Variants in DNAAF9 observed in about 807,000 individuals in gnomAD.
DNAAF9 encodes the protein dynein axonemal assembly factor 9, also known as shulin.
DNAAF9 carries 90 observed loss-of-function variants against 167.0 expected under a neutral mutation model. The ratio of observed to expected loss-of-function variants is 0.54; its 90% CI spans 0.45 to 0.64. DNAAF9 has a LOEUF of 0.64. Among genes scored for constraint, DNAAF9 ranks in the 30% least tolerant of loss-of-function variants. DNAAF9 has a pLI of 0.00. For missense variants in DNAAF9, 1,315 were observed against 1,442.2 expected (o/e 0.91, Z 1.43); for synonymous variants, 491 against 508.8 (o/e 0.96, Z 0.47).
chr20:3,332,902 T>G (rs940621202), intron 10 of DNAAF9, among the ~76,000 whole-genome samples: 22 of 113,068 alleles, frequency 1.9e-4, no homozygotes, highest in African/African-American at 6.6e-4. Context: ...GTGCGTGTGG[T>G]GTGTGTGTGT....
chr20:3,279,190 G>C (rs2068725340), intron 28 of DNAAF9, among the ~76,000 whole-genome samples: 1 of 152,156 alleles, frequency 6.6e-6, no homozygotes. Context: ...GCTGAAGGAG[G>C]GATACTGGGG....
At chr20:3,403,669 T>A (rs192842623) in intron 1 of DNAAF9, among the ~76,000 whole-genome samples, 1 of 151,830 alleles carries the variant, frequency 6.6e-6, no homozygotes, top group Non-Finnish European at 1.5e-5. Context: ...TATCTGCCCA[T>A]ATAAAAACAA....
In DNAAF9 at chr20:3,292,772, G is replaced by GA. The variant is rs35198247; in HGVS notation, c.2238+1366dup. Among the ~76,000 whole-genome samples the GA allele has an allele frequency of 8.6e-3, 981 of 113,606 alleles. 6 individuals are homozygous for GA. The highest frequency in any genetic ancestry group is 0.034 in the Middle Eastern group (6 of 178). The allele number at this position is 113,606 out of a possible 152,430, so 74.5% of individuals were successfully genotyped here. ...CAGAGCGAGACTCCATTTCAAAAAAGAAAAAAAAAAAAAGCCAGGTATGGT... is the reference window on the plus strand; with the variant it reads ...CAGAGCGAGACTCCATTTCAAAAAAGAAAAAAAAAAAAAAGCCAGGTATGGT... On this transcript the variant is annotated intron_variant, in intron 25 of 36. Transcript: ENST00000252032.
intron 12 of DNAAF9, among the ~76,000 whole-genome samples, chr20:3,326,956 A>C (rs2069722191): frequency 6.6e-6 from 1 of 152,096 alleles, no homozygotes; most frequent in Non-Finnish European, 1.5e-5. Flanking sequence ...CAGTGTTCTC[A>C]TACCCACTTG....
chr20:3,291,068 C>T (rs1056914344), intron 25 of DNAAF9, among the ~76,000 whole-genome samples: 8 of 152,104 alleles, frequency 5.3e-5, no homozygotes, highest in Non-Finnish European at 1.0e-4. Flanking sequence ...GAATTACAGG[C>T]GTGAGCCACC....
Position 3,259,978 on chromosome 20 carries a change from A to T in DNAAF9, c.2924T>A (p.Ile975Asn), listed in dbSNP as rs1171903502. The change falls in exon 32 of 37, where the codon ATC (isoleucine) becomes AAC (asparagine). Residue 975 changes from isoleucine (I) to asparagine (N), a missense_variant. Physicochemically the swap from Ile to Asn is moderately radical, Grantham distance 149. Around this residue, in one of 2 missense-constraint regions of DNAAF9, gnomAD observed 334 missense variants for 429.7 expected, o/e 0.78. Transcript: ENST00000252032. ...CAAGGGACGGCCAAACCATACGCAG[A>T]TCTGAACCATTAGGGGATAGACTGA... ...AGSVYPLMVQ[I>N]CVWFGRPLEK... The T allele has an allele frequency of 1.2e-6, 2 of 1,613,416 alleles. No individual in the cohort carries two copies. Among genetic ancestry groups the T allele is most frequent in the Non-Finnish European group, 1.7e-6 (2 of 1,179,274 alleles).
intron 7 of DNAAF9, among the ~76,000 whole-genome samples, chr20:3,356,288 GATTAC>G (rs2083285764): frequency 6.6e-6 from 1 of 152,182 alleles, no homozygotes; most frequent in East Asian, 1.9e-4. Flanking sequence ...AAAGTGCTGG[GATTAC>G]AGGCGTGAGC....
At chr20:3,310,377 G>GAAA (rs1436617968) in intron 20 of DNAAF9, among the ~76,000 whole-genome samples, 1 of 150,976 alleles carries the variant, frequency 6.6e-6, no homozygotes, top group Non-Finnish European at 1.5e-5. Context: ...AAGAAAGAAA[G>GAAA]AAAGAAAGAA....
At chr20:3,257,461 G>T (rs1006958680) in intron 33 of DNAAF9, among the ~76,000 whole-genome samples, 1 of 152,096 alleles carries the variant, frequency 6.6e-6, no homozygotes, top group Non-Finnish European at 1.5e-5. Flanking sequence ...GCAGTGAGCC[G>T]AGATCAAACC....
intron 3 of DNAAF9, among the ~76,000 whole-genome samples, chr20:3,378,519 G>A (rs978568533): frequency 2.6e-5 from 4 of 152,164 alleles, no homozygotes; most frequent in African/African-American, 9.7e-5. Context: ...AAGAGCCATG[G>A]GATGGAGTAG....
rs147745030 is a variant in DNAAF9, at chr20:3,282,406, C to T, written c.2487-640G>A. ...GATCACTGCTTACACCCCCAAGCTC[C>T]CACTGGGTCCAAACTGTTATAATCT... On this transcript the variant is annotated intron_variant, in intron 27 of 36. Coordinates refer to ENST00000252032, the MANE Select transcript of DNAAF9 (RefSeq NM_001009984.3). Among the ~76,000 whole-genome samples the T allele has an allele frequency of 2.6e-5, 4 of 152,250 alleles. No individual in the cohort carries two copies. The East Asian group carries it at 7.7e-4, about 29-fold the overall frequency.
intron 20 of DNAAF9, among the ~76,000 whole-genome samples, chr20:3,308,933 G>A (rs1316440124): frequency 2.6e-5 from 4 of 151,982 alleles, no homozygotes; most frequent in Admixed American, 2.6e-4. Context: ...CATCCCAACA[G>A]ACCTTGTCCC....
chr20:3,393,451 G>A (rs1245489518), intron 1 of DNAAF9, among the ~76,000 whole-genome samples: 2 of 152,022 alleles, frequency 1.3e-5, no homozygotes, highest in African/African-American at 4.8e-5. Flanking sequence ...GGTTGAGGCT[G>A]CAATGAGCCG....
chr20:3,353,630 C>G (rs910580949), intron 7 of DNAAF9, among the ~76,000 whole-genome samples: 5 of 62,462 alleles, frequency 8.0e-5, no homozygotes, highest in Admixed American at 2.8e-4. Flanking sequence ...CCTGTCCCCC[C>G]GCACCACCCC....
At chr20:3,259,019 C>A (rs2068331642) in intron 33 of DNAAF9, among the ~76,000 whole-genome samples, 1 of 152,180 alleles carries the variant, frequency 6.6e-6, no homozygotes, top group South Asian at 2.1e-4. Context: ...ACAGCAAGGG[C>A]TCCAGAGGTC....
chr20:3,307,622 C>T (rs1309713519), intron 20 of DNAAF9, among the ~76,000 whole-genome samples: 1 of 152,032 alleles, frequency 6.6e-6, no homozygotes, highest in Non-Finnish European at 1.5e-5. Context: ...CTCTGTCCTT[C>T]CTTCTCCATT....
intron 7 of DNAAF9, 120 bp from the exon 8 acceptor site, chr20:3,348,743 C>T: frequency 1.8e-6 from 1 of 559,774 alleles, no homozygotes. Flanking sequence ...TGTTATTTTA[C>T]AAGGTAGTAG....
At chr20:3,326,537 GC>G (rs1291621931) in intron 12 of DNAAF9, among the ~76,000 whole-genome samples, 2 of 151,980 alleles carry the variant, frequency 1.3e-5, no homozygotes, top group Admixed American at 1.3e-4. Context: ...TTTGAGACCA[GC>G]CTGGGCAACA....
At chr20:3,383,253 A>G (rs576283675) in intron 1 of DNAAF9, among the ~76,000 whole-genome samples, 8 of 149,988 alleles carry the variant, frequency 5.3e-5, no homozygotes, top group East Asian at 2.0e-4. Flanking sequence ...ATCTGCCTCT[A>G]ATACTCATTC....
Sources: gnomAD v4.1 joint callset for allele counts (sites outside exome capture counted in the v4.1 genomes callset) on GRCh38, gnomAD v4.1.1 for gene constraint, gnomAD v4.1.1 regional missense constraint, MANE v1.5 for transcripts, NCBI Gene and HGNC (gene_info 2026-07-23, HGNC 2026-07-21) for gene names.